The following LRRC4C variants were observed in gnomAD, a reference collection of about 807,000 sequenced individuals.
LRRC4C encodes leucine rich repeat containing 4C, also known as leucine-rich repeat-containing protein 4C.
In LRRC4C, 5 loss-of-function variants were observed where a neutral mutation model predicts 33.6. The ratio of observed to expected loss-of-function variants is 0.15; its 90% confidence interval spans 0.08 to 0.31. The LOEUF (loss-of-function observed/expected upper bound fraction) is 0.31. Ranked by LOEUF, LRRC4C falls within the 10% of genes least tolerant of loss-of-function variation. The pLI is 1.00. For synonymous variants in LRRC4C, 329 were observed against 302.0 expected (o/e 1.09, Z -0.93); for missense variants, 560 against 796.7 (o/e 0.70, Z 3.58).
intron 4 of LRRC4C, among the ~76,000 whole-genome samples, chr11:40,248,579 C>T (rs1348497657): frequency 3.3e-5 from 5 of 152,102 alleles, no homozygotes; most frequent in East Asian, 3.9e-4. Context: ...GGTATGACCC[C>T]GTAGTCCCAG....
intron 1 of LRRC4C, among the ~76,000 whole-genome samples, chr11:41,251,095 C>T (rs1948624399): frequency 6.6e-6 from 1 of 152,108 alleles, no homozygotes; most frequent in African/African-American, 2.4e-5. Flanking sequence ...CCAAACAATA[C>T]AAAACCCCAA....
At chr11:40,460,615 A>G (rs759265554) in intron 3 of LRRC4C, among the ~76,000 whole-genome samples, 4 of 152,198 alleles carry the variant, frequency 2.6e-5, no homozygotes, top group Non-Finnish European at 5.9e-5. Flanking sequence ...ATAAATTGGC[A>G]GTAAGCTTTG....
intron 1 of LRRC4C, among the ~76,000 whole-genome samples, chr11:41,067,212 G>A (rs1267703890): frequency 6.6e-6 from 1 of 152,176 alleles, no homozygotes; most frequent in African/African-American, 2.4e-5. Context: ...AAAATAAAGG[G>A]ATGGAGGAAA....
chr11:40,284,172 G>T (rs1415127061), intron 4 of LRRC4C, among the ~76,000 whole-genome samples: 1 of 152,188 alleles, frequency 6.6e-6, no homozygotes, highest in Non-Finnish European at 1.5e-5. Context: ...GAGGTAACTT[G>T]CTCTGAGACT....
At chr11:40,226,418 G>T (rs1291577463) in intron 5 of LRRC4C, among the ~76,000 whole-genome samples, 1 of 152,198 alleles carries the variant, frequency 6.6e-6, no homozygotes, top group African/African-American at 2.4e-5. Flanking sequence ...GAATGCAGTT[G>T]TTGCCTTGGC....
At chr11:41,444,479 G>T (rs1300816650) in intron 1 of LRRC4C, among the ~76,000 whole-genome samples, 2 of 152,122 alleles carry the variant, frequency 1.3e-5, no homozygotes, top group Admixed American at 6.6e-5. Context: ...TTCACGGGTG[G>T]GTGCTAGAAC....
chr11:41,104,403 A>G (rs1941376670), intron 1 of LRRC4C, among the ~76,000 whole-genome samples: 2 of 151,980 alleles, frequency 1.3e-5, no homozygotes, highest in Non-Finnish European at 2.9e-5. Context: ...AATTAAAATT[A>G]TAATAAGGTT....
At chr11:40,129,868 G>A (rs182967457) in intron 6 of LRRC4C, among the ~76,000 whole-genome samples, 2 of 152,236 alleles carry the variant, frequency 1.3e-5, no homozygotes, top group African/African-American at 4.8e-5. Flanking sequence ...TCTACTTCAT[G>A]CTAAAAAATC....
chr11:40,227,799 A>AC (rs370206805), intron 5 of LRRC4C, among the ~76,000 whole-genome samples: 112 of 152,260 alleles, frequency 7.4e-4, no homozygotes, highest in African/African-American at 2.5e-3. Context: ...AAATGAAGGA[A>AC]CCTGATTTTC....
chr11:40,374,446 A>C (rs2137286897), intron 3 of LRRC4C, among the ~76,000 whole-genome samples: 2 of 152,270 alleles, frequency 1.3e-5, no homozygotes, highest in Middle Eastern at 3.4e-3. Context: ...ATAATTTCTT[A>C]CTGAGTTTGA....
At chr11:41,396,949 A>G (rs561778727) in intron 1 of LRRC4C, among the ~76,000 whole-genome samples, 21 of 152,126 alleles carry the variant, frequency 1.4e-4, no homozygotes, top group Admixed American at 4.6e-4. Flanking sequence ...ATGAATGTGG[A>G]TAGTTTTAAG....
chr11:40,478,760 A>T lies in LRRC4C; in HGVS notation c.-269-159039T>A, dbSNP rs113270699. ...GGCCAAAATAGGCTTCCCTGAATAA[A>T]AGACTCCTTAAAATTGTTTTTTTCT... On this transcript the variant is annotated intron_variant, in intron 3 of 6. Coordinates refer to ENST00000528697, the MANE Select transcript of LRRC4C (RefSeq NM_001258419.2). Among the ~76,000 whole-genome samples, 661 of 152,258 alleles carry T rather than the reference A, an allele frequency of 4.3e-3. 3 individuals carry two copies. Among genetic ancestry groups the T allele is most frequent in the Non-Finnish European group, 7.1e-3 (482 of 68,026 alleles).
intron 2 of LRRC4C, among the ~76,000 whole-genome samples, chr11:40,666,368 C>T (rs1943812163): frequency 6.6e-6 from 1 of 152,078 alleles, no homozygotes; most frequent in Non-Finnish European, 1.5e-5. Flanking sequence ...GTAGTTACTT[C>T]TATCCTGGTT....
intron 3 of LRRC4C, among the ~76,000 whole-genome samples, chr11:40,373,123 A>G (rs1364110716): frequency 2.0e-5 from 3 of 151,938 alleles, no homozygotes; most frequent in African/African-American, 7.3e-5. Context: ...TCCTAATTAT[A>G]AAGTCAAATA....
intron 1 of LRRC4C, among the ~76,000 whole-genome samples, chr11:41,130,288 A>T (rs949752774): frequency 6.6e-6 from 1 of 151,930 alleles, no homozygotes; most frequent in African/African-American, 2.4e-5. Context: ...TTCTGTCCTC[A>T]TTCTGAGTGT....
At position 40,456,551 on chromosome 11, in the gene LRRC4C, T is replaced by TTG. The variant is rs546574194; in HGVS notation, c.-269-136831_-269-136830insCA. Among the ~76,000 whole-genome samples, 18 of 152,150 alleles carry TTG rather than the reference T, an allele frequency of 1.2e-4. 1 individual carries two copies. In the South Asian group the frequency reaches 3.7e-3, roughly 32 times the overall value. Reference sequence around the variant, plus strand: ...AGAAGAATAGATTGAGAAGCTTCAATGATTTCTAAATGAAGTTTTACAACA... The same window carrying TTG: ...AGAAGAATAGATTGAGAAGCTTCAATTGGATTTCTAAATGAAGTTTTACAACA... On this transcript the variant is annotated intron_variant, in intron 3 of 6. Transcript: ENST00000528697.
rs1259529223 is a variant in LRRC4C, at chr11:40,115,290, T to C, written c.1003A>G (p.Asn335Asp). The change falls in exon 7 of 7, where the codon AAT becomes GAT. Residue 335 changes from asparagine (N) to aspartate (D), a missense_variant. Coordinates refer to ENST00000528697, the MANE Select transcript of LRRC4C (RefSeq NM_001258419.2). This position sits in a 1 kb window ranked among gnomAD's most constrained non-coding sequence, Gnocchi z 6.7. ...TCTCCAATGTACCTCCCCTTTAGAT[T>C]GGGAGGAGTGTTACACCGGGCACAA... ...ACCARCNTPP[N>D]LKGRYIGELD... The C allele has an allele frequency of 1.2e-6, 2 of 1,613,922 alleles. No homozygotes were observed. The highest frequency in any genetic ancestry group is 1.7e-6 in the Non-Finnish European group (2 of 1,179,986).
intron 2 of LRRC4C, among the ~76,000 whole-genome samples, chr11:40,731,089 G>A (rs1010854579): frequency 3.8e-4 from 58 of 152,196 alleles, no homozygotes; most frequent in African/African-American, 1.4e-3. Context: ...GGAGGCCAAG[G>A]CAGGCGGATC....
chr11:40,588,734 A>T (rs1049854872), intron 3 of LRRC4C, among the ~76,000 whole-genome samples: 8 of 151,956 alleles, frequency 5.3e-5, no homozygotes, highest in Admixed American at 1.3e-4. Flanking sequence ...TTCGTTCGGT[A>T]CCCAGTAGTC....
Sources: gnomAD v4.1 joint callset for allele counts (sites outside exome capture counted in the v4.1 genomes callset) on GRCh38, gnomAD v4.1.1 for gene constraint, Gnocchi (gnomAD v3.1) non-coding constraint, MANE v1.5 for transcripts, NCBI Gene and HGNC (gene_info 2026-07-23, HGNC 2026-07-21) for gene names.